JAZF1: variants seen among roughly 807,000 people sequenced by gnomAD.
The protein encoded by JAZF1 is JAZF zinc finger 1, also known as juxtaposed with another zinc finger protein 1.
Under a neutral mutation model 26.4 loss-of-function variants are expected in JAZF1, and 8 were observed. The observed-to-expected ratio is 0.30, with a 90% CI of 0.18 to 0.55. The LOEUF (loss-of-function observed/expected upper bound fraction) is 0.55, where lower values mean the gene tolerates loss of function less well. Among genes scored for constraint, JAZF1 ranks in the 20% least tolerant of loss-of-function variants. The pLI, the probability that JAZF1 is intolerant of heterozygous loss-of-function variation, is 0.94. For synonymous variants in JAZF1, 126 were observed against 122.3 expected (o/e 1.03, Z -0.20); for missense variants, 199 against 322.0 (o/e 0.62, Z 2.92).
At chr7:27,998,001 G>A (rs1308582194) in intron 1 of JAZF1, among the ~76,000 whole-genome samples, 1 of 150,214 alleles carries the variant, frequency 6.7e-6, no homozygotes, top group Non-Finnish European at 1.5e-5. Flanking sequence ...AAAAAAGGAA[G>A]GGAGGAAGAG....
intron 1 of JAZF1, among the ~76,000 whole-genome samples, chr7:28,146,030 T>A (rs1783022957): frequency 1.3e-5 from 2 of 152,212 alleles, no homozygotes; most frequent in African/African-American, 4.8e-5. Context: ...AGCCTTAAGA[T>A]AAGCCCCATG....
At chr7:28,030,644 C>T (rs1783173223) in intron 1 of JAZF1, among the ~76,000 whole-genome samples, 1 of 152,212 alleles carries the variant, frequency 6.6e-6, no homozygotes, top group Admixed American at 6.5e-5. Flanking sequence ...AAAAAAAGTA[C>T]ATGAGTTACT....
At chr7:27,965,348 C>A (rs574328532) in intron 2 of JAZF1, among the ~76,000 whole-genome samples, 2 of 152,264 alleles carry the variant, frequency 1.3e-5, no homozygotes, top group East Asian at 3.9e-4. Flanking sequence ...AAGATCTGAA[C>A]ATGTTTATTT....
chr7:28,134,690 A>G lies in JAZF1; in HGVS notation c.115+45773T>C, dbSNP rs373569303. Reference sequence around the variant, plus strand: ...GGATCCTGGTTCCTGCAGGCCATCAATTAGAACCCAGTCTAAGTGATATAT... The same window carrying G: ...GGATCCTGGTTCCTGCAGGCCATCAGTTAGAACCCAGTCTAAGTGATATAT... On this transcript the variant is annotated intron_variant, in intron 1 of 4. Transcript: ENST00000283928. Among the ~76,000 whole-genome samples, 6 of 152,108 alleles carry G rather than the reference A, an allele frequency of 3.9e-5. No homozygotes were observed. The East Asian group carries it at 9.6e-4, about 24-fold the overall frequency.
rs991462786 is a variant in JAZF1 at position 27,832,228 on chromosome 7, A to C, written c.*572T>G. On this transcript the variant is annotated 3_prime_UTR_variant, in exon 5 of 5. Coordinates refer to ENST00000283928, the MANE Select transcript of JAZF1 (RefSeq NM_175061.4). ...AAACACAGAAAGCACACCTTTACGT[A>C]TGTTATTTAAATATGAAAATATTTT... 3 of 212,124 alleles carry C rather than the reference A, an allele frequency of 1.4e-5. No individual in the cohort carries two copies. Among genetic ancestry groups the C allele is most frequent in the African/African-American group, 6.8e-5 (3 of 44,144 alleles). 13.1% of individuals were successfully genotyped at this position (212,124 alleles called of 1,614,324 possible).
At chr7:27,844,684 T>C (rs1782986746) in intron 3 of JAZF1, 1 of 152,236 alleles carries the variant, frequency 6.6e-6, no homozygotes, top group Non-Finnish European at 1.5e-5. Context: ...AATATCTTAA[T>C]ACAGGAATAG....
At chr7:28,075,517 A>G (rs1366052438) in intron 1 of JAZF1, among the ~76,000 whole-genome samples, 1 of 152,230 alleles carries the variant, frequency 6.6e-6, no homozygotes, top group Non-Finnish European at 1.5e-5. Flanking sequence ...TAAACAATTT[A>G]GTATACTTTC....
chr7:27,907,908 G>A (rs1318471232), intron 2 of JAZF1, among the ~76,000 whole-genome samples: 1 of 152,160 alleles, frequency 6.6e-6, no homozygotes, highest in African/African-American at 2.4e-5. Context: ...CTGTGCCCTA[G>A]GTAGTCACTA....
intron 3 of JAZF1, among the ~76,000 whole-genome samples, chr7:27,882,611 T>G (rs1365691517): frequency 2.6e-5 from 4 of 152,234 alleles, no homozygotes; most frequent in African/African-American, 7.2e-5. Flanking sequence ...AGCAGTGAGA[T>G]TCTGTCCCTT....
At chr7:27,898,944 T>TAC (rs1009526955) in intron 2 of JAZF1, among the ~76,000 whole-genome samples, 3 of 151,754 alleles carry the variant, frequency 2.0e-5, no homozygotes, top group African/African-American at 2.4e-5. Context: ...GTGACAACCA[T>TAC]ACACACACAC....
At chr7:28,034,050 T>C (rs1407353069) in intron 1 of JAZF1, among the ~76,000 whole-genome samples, 1 of 152,196 alleles carries the variant, frequency 6.6e-6, no homozygotes, top group Non-Finnish European at 1.5e-5. Context: ...GCTGGAACTC[T>C]TAATTCTTTC....
intron 1 of JAZF1, among the ~76,000 whole-genome samples, chr7:28,049,321 T>A (rs1322440122): frequency 6.6e-6 from 1 of 151,768 alleles, no homozygotes; most frequent in Non-Finnish European, 1.5e-5. Flanking sequence ...CAACCTCAGG[T>A]AATCCATCTG....
At chr7:28,020,364 T>C (rs2128372646) in intron 1 of JAZF1, among the ~76,000 whole-genome samples, 1 of 152,232 alleles carries the variant, frequency 6.6e-6, no homozygotes, top group South Asian at 2.1e-4. Context: ...TGTGAGCCCA[T>C]GGAAAACGGC....
chr7:28,005,974 T>C (rs558454621), intron 1 of JAZF1, among the ~76,000 whole-genome samples: 1 of 152,200 alleles, frequency 6.6e-6, no homozygotes, highest in South Asian at 2.1e-4. Context: ...TTGAGCAAGT[T>C]TCTCAGCAGA....
At chr7:28,011,181 G>A (rs569127974) in intron 1 of JAZF1, among the ~76,000 whole-genome samples, 1 of 152,248 alleles carries the variant, frequency 6.6e-6, no homozygotes, top group Non-Finnish European at 1.5e-5. Context: ...GACCTGCAGC[G>A]TTTAGGAAAA....
intron 1 of JAZF1, among the ~76,000 whole-genome samples, chr7:28,024,001 T>A (rs952609565): frequency 3.3e-5 from 5 of 151,890 alleles, no homozygotes; most frequent in African/African-American, 1.2e-4. Context: ...AAGAAATATC[T>A]AGGGCTAGGC....
At chr7:28,027,499 T>C (rs951347702) in intron 1 of JAZF1, among the ~76,000 whole-genome samples, 8 of 152,164 alleles carry the variant, frequency 5.3e-5, no homozygotes, top group Admixed American at 4.6e-4. Flanking sequence ...TTTGATAAAA[T>C]TTTACTGCCC....
intron 1 of JAZF1, among the ~76,000 whole-genome samples, chr7:28,130,801 C>CCCACA: frequency 6.6e-6 from 1 of 152,098 alleles, no homozygotes; most frequent in Non-Finnish European, 1.5e-5. Context: ...TAGTCTATTG[C>CCCACA]CCACACACAA....
At chr7:27,932,055 C>T (rs1312958948) in intron 2 of JAZF1, among the ~76,000 whole-genome samples, 1 of 152,048 alleles carries the variant, frequency 6.6e-6, no homozygotes, top group Admixed American at 6.5e-5. Context: ...ATAGCGTGGG[C>T]TATTTTAATT....
Sources: gnomAD v4.1 joint callset for allele counts (sites outside exome capture counted in the v4.1 genomes callset) on GRCh38, gnomAD v4.1.1 for gene constraint, MANE v1.5 for transcripts, NCBI Gene and HGNC (gene_info 2026-07-23, HGNC 2026-07-21) for gene names.